Variants in EPN1 observed in about 807,000 individuals in gnomAD.
EPN1 encodes the protein epsin-1.
In EPN1, 25 loss-of-function variants were observed where a neutral mutation model predicts 56.9. The observed-to-expected ratio is 0.44, with a 90% CI of 0.32 to 0.61. EPN1 has a LOEUF of 0.61. EPN1 is among the 20% of genes least tolerant of loss of function. EPN1 has a pLI of 0.05. For missense variants in EPN1, 785 were observed against 823.7 expected (o/e 0.95, Z 0.58); for synonymous variants, 411 against 361.8 (o/e 1.14, Z -1.54).
chr19:55,676,244 C>T lies in EPN1; in HGVS notation c.-102+809C>T, dbSNP rs114304815. ...AGCTCTGGTTTTTATTATTACAGTG[C>T]TTAGAGATTTTTACACAGTAAGTGT... On this transcript the variant is annotated intron_variant, in intron 1 of 10. Transcript: ENST00000270460. 6.8e-3 allele frequency among the ~76,000 whole-genome samples: 1,032 copies of T among 152,316 alleles called. 11 individuals are homozygous for T. The highest frequency in any genetic ancestry group is 0.024 in the African/African-American group (978 of 41,540).
chr19:55,689,487 G>GC lies in EPN1; in HGVS notation c.678+117dup. ...CTGGGCCCGAAGCCCACAGGCTCAC[G>GC]CGTGTTGAAACCTCAGTACCTTCAG... On this transcript the variant is annotated intron_variant, in intron 5 of 10. Transcript: ENST00000270460. This position sits in a 1 kb window ranked among gnomAD's most constrained non-coding sequence, Gnocchi z 5.7. The GC allele has an allele frequency of 1.3e-6, 1 of 774,678 alleles. No individual in the cohort carries two copies. The highest frequency in any genetic ancestry group is 2.2e-6 in the Non-Finnish European group (1 of 462,220). 48.0% of individuals were successfully genotyped at this position (774,678 alleles called of 1,614,324 possible). A position where few individuals can be genotyped will look rare whatever the true frequency, so the allele number is the denominator to read the frequency against.
chr19:55,691,476 G>A lies in EPN1; in HGVS notation c.763-278G>A, dbSNP rs1986541805. Among the ~76,000 whole-genome samples the A allele has an allele frequency of 6.6e-6, 1 of 151,966 alleles. No individual in the cohort carries two copies. The highest frequency in any genetic ancestry group is 1.5e-5 in the Non-Finnish European group (1 of 67,948). On this transcript the variant is annotated intron_variant, in intron 6 of 10. Transcript: ENST00000270460. The surrounding 1 kb of genome is among the most constrained non-coding windows in gnomAD (Gnocchi z 5.6). The stretch of plus-strand genomic sequence containing the variant: ...GGAGTTAAGGGGCTGCCCTGCTGCA[G>A]TGTGGAGAATGGATGTGGGGCAGGA...
chr19:55,692,406 CAG>C (rs1166948512), intron 7 of EPN1, among the ~76,000 whole-genome samples: 7 of 148,858 alleles, frequency 4.7e-5, no homozygotes, highest in African/African-American at 1.5e-4. Context: ...CCCAGCTGGA[CAG>C]GGGAGGGGTG....
Position 55,695,037 on chromosome 19 carries a change from A to C in EPN1, c.1522+54A>C. The C allele has an allele frequency of 6.4e-7, 1 of 1,574,130 alleles. No homozygotes were observed. Among genetic ancestry groups the C allele is most frequent in the Non-Finnish European group, 8.6e-7 (1 of 1,160,506 alleles). On this transcript the variant is annotated intron_variant, in intron 10 of 10. Coordinates refer to ENST00000270460, the MANE Select transcript of EPN1 (RefSeq NM_001130072.2). This position sits in a 1 kb window ranked among gnomAD's most constrained non-coding sequence, Gnocchi z 4.4. ...TCCTTCCTGTGGGTTCCACCAGAGGAGGTGCCTCACGGGGCAGGGACACTT... is the reference window on the plus strand; with the variant it reads ...TCCTTCCTGTGGGTTCCACCAGAGGCGGTGCCTCACGGGGCAGGGACACTT...
chr19:55,675,993 G>C (rs1985389216), intron 1 of EPN1, among the ~76,000 whole-genome samples: 1 of 152,150 alleles, frequency 6.6e-6, no homozygotes, highest in African/African-American at 2.4e-5. Flanking sequence ...CTGGTGTGAT[G>C]GTGAAGAGCC....
At chr19:55,683,921 G>A (rs907079132) in intron 2 of EPN1, among the ~76,000 whole-genome samples, 3 of 152,180 alleles carry the variant, frequency 2.0e-5, no homozygotes, top group East Asian at 1.9e-4. Context: ...TGCCCAGCGC[G>A]TTCTCTTATG....
intron 1 of EPN1, chr19:55,677,167 C>T: frequency 6.4e-7 from 1 of 1,551,482 alleles, no homozygotes; most frequent in East Asian, 2.4e-5. Context: ...CTTGGAGCCG[C>T]ATAGATGGGT....
At position 55,689,159 on chromosome 19, in the gene EPN1, CG is replaced by C; in HGVS notation, c.604-137del. 8.7e-7 allele frequency: 1 copy of C among 1,145,212 alleles called. No homozygotes were observed. The highest frequency in any genetic ancestry group is 1.2e-6 in the Non-Finnish European group (1 of 811,260). The allele number at this position is 1,145,212 out of a possible 1,614,324, so 70.9% of individuals were successfully genotyped here. A position where few individuals can be genotyped will look rare whatever the true frequency, so the allele number is the denominator to read the frequency against. On this transcript the variant is annotated intron_variant, in intron 4 of 10. Transcript: ENST00000270460. The surrounding 1 kb of genome is among the most constrained non-coding windows in gnomAD (Gnocchi z 5.7). ...TCATCCTCACCCCGCCGTCCCTCTG[CG>C]TGTCACTCTCTGCCTGTCCCTCACT...
rs1291333786 is a variant in EPN1, at chr19:55,705,004, C to T, written c.*9648C>T. On this transcript the variant is annotated 3_prime_UTR_variant, in exon 11 of 11. Transcript: ENST00000270460. ...CTGTTCTACACATGCACGTGGGAGG[C>T]ACCAGGGAGCCCAGAAGAAATGAAA... 2 of 152,256 alleles carry T rather than the reference C, an allele frequency of 1.3e-5. No homozygotes were observed. Among genetic ancestry groups the T allele is most frequent in the Non-Finnish European group, 2.9e-5 (2 of 68,058 alleles). The allele number at this position is 152,256 out of a possible 1,614,324, so 9.4% of individuals were successfully genotyped here. A position where few individuals can be genotyped will look rare whatever the true frequency, so the allele number is the denominator to read the frequency against.
At position 55,692,674 on chromosome 19, in the gene EPN1, G is replaced by A. The variant is rs1263193708; in HGVS notation, c.1067-12G>A. 6.6e-7 allele frequency: 1 copy of A among 1,518,260 alleles called. No individual in the cohort carries two copies. The highest frequency in any genetic ancestry group is 8.9e-7 in the Non-Finnish European group (1 of 1,128,452). The allele number at this position is 1,518,260 out of a possible 1,614,324, so 94.0% of individuals were successfully genotyped here. A position where few individuals can be genotyped will look rare whatever the true frequency, so the allele number is the denominator to read the frequency against. On this transcript the variant is annotated splice_polypyrimidine_tract_variant and intron_variant, in intron 7 of 10. Transcript: ENST00000270460. ...GGTTGCCAGCCCCTCATGCTCTTCT[G>A]TCCTCACCCAGGTGGGGTCCCGGTC...
chr19:55,682,774 T>G (rs1985902309), intron 2 of EPN1, among the ~76,000 whole-genome samples: 1 of 150,146 alleles, frequency 6.7e-6, no homozygotes, highest in Non-Finnish European at 1.5e-5. Context: ...TATTTATTTA[T>G]GAGACGGAGT....
chr19:55,709,077 T>G lies in EPN1; in HGVS notation c.*13721T>G, dbSNP rs1326468211. On this transcript the variant is annotated 3_prime_UTR_variant, in exon 11 of 11. Transcript: ENST00000270460. Reference sequence around the variant, plus strand: ...AATAGAAATAAAGTTTTTTTTTTTGTTTTTCATTTTTACACAGTATTGCCT... The same window carrying G: ...AATAGAAATAAAGTTTTTTTTTTTGGTTTTCATTTTTACACAGTATTGCCT... 1.3e-6 allele frequency: 2 copies of G among 1,508,558 alleles called. No homozygotes were observed. Among genetic ancestry groups the G allele is most frequent in the Non-Finnish European group, 1.8e-6 (2 of 1,123,974 alleles). The allele number at this position is 1,508,558 out of a possible 1,614,324, so 93.4% of individuals were successfully genotyped here.
chr19:55,704,158 G>A lies in EPN1; in HGVS notation c.*8802G>A, dbSNP rs1175708182. Reference sequence around the variant, plus strand: ...TTCCAGCCCAGCGCGCACACTAGACGGCACGTGCTCTCCACGCTCTTTCTC... The same window carrying A: ...TTCCAGCCCAGCGCGCACACTAGACAGCACGTGCTCTCCACGCTCTTTCTC... On this transcript the variant is annotated 3_prime_UTR_variant, in exon 11 of 11. Coordinates refer to ENST00000270460, the MANE Select transcript of EPN1 (RefSeq NM_001130072.2). 2 of 152,556 alleles carry A rather than the reference G, an allele frequency of 1.3e-5. No homozygotes were observed. Among genetic ancestry groups the A allele is most frequent in the Non-Finnish European group, 2.9e-5 (2 of 68,330 alleles). The allele number at this position is 152,556 out of a possible 1,614,324, so 9.5% of individuals were successfully genotyped here. A position where few individuals can be genotyped will look rare whatever the true frequency, so the allele number is the denominator to read the frequency against.
intron 2 of EPN1, among the ~76,000 whole-genome samples, chr19:55,683,495 G>T (rs1985964366): frequency 6.6e-6 from 1 of 152,090 alleles, no homozygotes; most frequent in African/African-American, 2.4e-5. Flanking sequence ...GGGATTACAG[G>T]TGTGCACCGC....
rs989597754 is a variant in EPN1, at chr19:55,701,213, G to C, written c.*5857G>C. On this transcript the variant is annotated 3_prime_UTR_variant, in exon 11 of 11. Transcript: ENST00000270460. ...TGCTTGTAATCCTAGCACTTTGGGA[G>C]GCCGAGGCGGGCGGATCACGAGGTC... The C allele has an allele frequency of 6.6e-6, 1 of 152,208 alleles. No individual in the cohort carries two copies. The highest frequency in any genetic ancestry group is 1.5e-5 in the Non-Finnish European group (1 of 68,080). 9.4% of individuals were successfully genotyped at this position (152,208 alleles called of 1,614,324 possible).
rs756492990 is a variant in EPN1, at chr19:55,691,428, C to T, written c.763-326C>T. On this transcript the variant is annotated intron_variant, in intron 6 of 10. Coordinates refer to ENST00000270460, the MANE Select transcript of EPN1 (RefSeq NM_001130072.2). The surrounding 1 kb of genome is among the most constrained non-coding windows in gnomAD (Gnocchi z 5.6). ...CTTGGCCTCCATCCTCAGTCAGGGC[C>T]GGGCAAGGACCTGGGAGCAGGTGGA... 7.2e-5 allele frequency among the ~76,000 whole-genome samples: 11 copies of T among 151,760 alleles called. No homozygotes were observed. The highest frequency in any genetic ancestry group is 3.4e-3 in the Middle Eastern group (1 of 294).
chr19:55,683,085 C>T (rs893669846), intron 2 of EPN1, among the ~76,000 whole-genome samples: 7 of 148,606 alleles, frequency 4.7e-5, no homozygotes, highest in African/African-American at 7.5e-5. Flanking sequence ...AATGGAGTTT[C>T]GCTCTTGTTG....
In EPN1 at chr19:55,707,676, C is replaced by G. The variant is rs1334837202; in HGVS notation, c.*12320C>G. ...GGTGGGGACTCTGGCCAATGCCATTCTGTTCTTCCATAATATCTTTCCCAT... is the reference window on the plus strand; with the variant it reads ...GGTGGGGACTCTGGCCAATGCCATTGTGTTCTTCCATAATATCTTTCCCAT... On this transcript the variant is annotated 3_prime_UTR_variant, in exon 11 of 11. Transcript: ENST00000270460. The G allele has an allele frequency of 1.3e-5, 2 of 154,690 alleles. No homozygotes were observed. Among genetic ancestry groups the G allele is most frequent in the Admixed American group, 6.5e-5 (1 of 15,296 alleles). 9.6% of individuals were successfully genotyped at this position (154,690 alleles called of 1,614,324 possible).
rs1987087788 is a variant in EPN1, at chr19:55,700,443, TAGCAGAGACAGGG to T, written c.*5088_*5100del. The T allele has an allele frequency of 8.0e-5, 12 of 150,078 alleles. No homozygotes were observed. Among genetic ancestry groups the T allele is most frequent in the African/African-American group, 3.0e-4 (12 of 39,518 alleles). 9.3% of individuals were successfully genotyped at this position (150,078 alleles called of 1,614,324 possible). On this transcript the variant is annotated 3_prime_UTR_variant, in exon 11 of 11. Transcript: ENST00000270460. ...CACAGCCAACTCATTTTTCTGTTTT[TAGCAGAGACAGGG>T]TTTCACCATATTGGCCAGGCTGGTC...
Sources: allele counts gnomAD v4.1 joint callset (sites outside exome capture counted in the v4.1 genomes callset), GRCh38; gene constraint gnomAD v4.1.1; non-coding constraint Gnocchi (gnomAD v3.1); transcripts MANE v1.5; gene names NCBI Gene and HGNC (gene_info 2026-07-23, HGNC 2026-07-21).